The following VPS13B variants were observed in gnomAD, a reference collection of about 807,000 sequenced individuals.
VPS13B encodes the protein vacuolar protein sorting 13 homolog B, also known as intermembrane lipid transfer protein VPS13B.
In VPS13B, 285 loss-of-function variants were observed where a neutral mutation model predicts 426.4. That is an observed-to-expected ratio of 0.67 (90% CI 0.61 to 0.74). VPS13B has a LOEUF of 0.74. Ranked by LOEUF, VPS13B falls within the 30% of genes least tolerant of loss-of-function variation. VPS13B has a pLI of 0.00. For missense variants in VPS13B, 4,537 were observed against 4,782.6 expected (o/e 0.95, Z 1.51); for synonymous variants, 1,676 against 1,676.4 (o/e 1.00, Z 0.01).
chr8:99,701,161 C>G (rs1832264475), intron 36 of VPS13B, among the ~76,000 whole-genome samples: 1 of 152,118 alleles, frequency 6.6e-6, no homozygotes, highest in Admixed American at 6.5e-5. Context: ...ACTAAAAGTT[C>G]TGTATTTTGT....
chr8:99,640,049 G>GAGAAAAGAAAAGAAA (rs563436577), intron 33 of VPS13B, among the ~76,000 whole-genome samples: 39 of 99,712 alleles, frequency 3.9e-4, no homozygotes, highest in Non-Finnish European at 5.5e-4. Flanking sequence ...AGAAGAAGAA[G>GAGAAAAGAAAAGAAA]AGAAAAGAAA....
At chr8:99,015,955 T>G (rs1019801464) in intron 2 of VPS13B, among the ~76,000 whole-genome samples, 1 of 152,206 alleles carries the variant, frequency 6.6e-6, no homozygotes, top group African/African-American at 2.4e-5. Context: ...TAATCTGACT[T>G]CTGTCAACAT....
chr8:99,641,740 T>G (rs1829373434), intron 33 of VPS13B, 71 bp from the exon 34 acceptor site: 11 of 1,428,290 alleles, frequency 7.7e-6, no homozygotes, highest in Non-Finnish European at 1.0e-5. Flanking sequence ...GACAACATGT[T>G]TATATAACAT....
chr8:99,552,547 G>C (rs1303255800), intron 30 of VPS13B, among the ~76,000 whole-genome samples: 6 of 150,654 alleles, frequency 4.0e-5, no homozygotes, highest in Non-Finnish European at 7.4e-5. Context: ...TTTTTAGTTT[G>C]GGTTTTGTGG....
chr8:99,267,176 G>A (rs1254370969), intron 17 of VPS13B, among the ~76,000 whole-genome samples: 1 of 152,206 alleles, frequency 6.6e-6, no homozygotes, highest in Non-Finnish European at 1.5e-5. Context: ...TGCTGACAGT[G>A]ATATGGACAA....
Position 99,225,914 on chromosome 8 carries a change from A to G in VPS13B, c.2515+32857A>G, listed in dbSNP as rs558807001. Among the ~76,000 whole-genome samples, 5 of 152,096 alleles carry G rather than the reference A, an allele frequency of 3.3e-5. No homozygotes were observed. The East Asian group carries it at 9.7e-4, about 29-fold the overall frequency. ...CATTTCATGACCTTCTCTTAGACTC[A>G]TCATGGGAAACTTTCTTCTTCAAGC... On this transcript the variant is annotated intron_variant, in intron 17 of 61. Transcript: ENST00000357162.
intron 52 of VPS13B, 134 bp downstream of exon 52, chr8:99,832,786 A>G (rs927833405): frequency 9.1e-6 from 8 of 879,048 alleles, no homozygotes; most frequent in Non-Finnish European, 1.2e-5. Context: ...TTACTTCTAG[A>G]CATTGTATAC....
rs550220926 is a variant in VPS13B, at chr8:99,283,530, T to A, written c.2824+8276T>A. On this transcript the variant is annotated intron_variant, in intron 19 of 61. Transcript: ENST00000357162. The stretch of plus-strand genomic sequence containing the variant: ...CTGAACAGAGCGTCTATTTTTGTAA[T>A]TTTGGAGTTTAGGCTCTGTTATTGG... Among the ~76,000 whole-genome samples the A allele has an allele frequency of 2.6e-5, 4 of 152,268 alleles. No individual in the cohort carries two copies. The South Asian group carries it at 6.2e-4, about 24-fold the overall frequency.
At chr8:99,262,877 A>G (rs1818117933) in intron 17 of VPS13B, among the ~76,000 whole-genome samples, 1 of 151,894 alleles carries the variant, frequency 6.6e-6, no homozygotes, top group Admixed American at 6.6e-5. Context: ...GCCTCAAGCA[A>G]TCCTCCCACC....
At chr8:99,544,931 ACAGT>A (rs1823885184) in intron 30 of VPS13B, among the ~76,000 whole-genome samples, 1 of 152,200 alleles carries the variant, frequency 6.6e-6, no homozygotes, top group African/African-American at 2.4e-5. Context: ...AATTCATTTT[ACAGT>A]GGAGAAAACG....
chr8:99,494,726 T>C (rs1034134840), intron 25 of VPS13B, among the ~76,000 whole-genome samples: 3 of 152,118 alleles, frequency 2.0e-5, no homozygotes, highest in African/African-American at 4.8e-5. Context: ...TAGTAGTTTT[T>C]GAATAAATTT....
rs776456971 is a variant in VPS13B at position 99,038,429 on chromosome 8, A to T, written c.154A>T (p.Lys52Ter). The T allele has an allele frequency of 6.2e-7, 1 of 1,605,672 alleles. No individual in the cohort carries two copies. Among genetic ancestry groups the T allele is most frequent in the East Asian group, 2.2e-5 (1 of 44,518 alleles). ...LKLDVLEQELKLPFTFLSGHI... is the reference protein window; with the variant it reads ...LKLDVLEQEL ...TAATGTTTTGTGTTTTAAGGAACTG[A>T]AATTACCATTCACTTTTTTAAGTGG... The change falls in exon 3 of 62, where the codon AAA (lysine) becomes TAA (stop). Residue 52 changes from lysine to a stop codon, truncating the protein, a stop_gained. Coordinates refer to ENST00000357162, the MANE Select transcript of VPS13B (RefSeq NM_152564.5). LOFTEE classifies it high-confidence loss of function.
At chr8:99,726,813 C>T (rs1344920112) in intron 39 of VPS13B, among the ~76,000 whole-genome samples, 1 of 152,140 alleles carries the variant, frequency 6.6e-6, no homozygotes, top group Non-Finnish European at 1.5e-5. Context: ...GCCTTGGCCT[C>T]CCAAAGTGCT....
chr8:99,390,468 A>G (rs1234562131), intron 20 of VPS13B, among the ~76,000 whole-genome samples: 1 of 152,034 alleles, frequency 6.6e-6, no homozygotes, highest in Non-Finnish European at 1.5e-5. Context: ...GCCCTTTTCC[A>G]TGTTTCAGAA....
chr8:99,288,304 C>T (rs1469303864), intron 19 of VPS13B, among the ~76,000 whole-genome samples: 1 of 151,840 alleles, frequency 6.6e-6, no homozygotes, highest in Non-Finnish European at 1.5e-5. Context: ...GATTATGGGT[C>T]AACTCCCAGT....
chr8:99,674,755 G>T (rs1830857661), intron 35 of VPS13B, among the ~76,000 whole-genome samples: 1 of 151,644 alleles, frequency 6.6e-6, no homozygotes, highest in African/African-American at 2.4e-5. Flanking sequence ...TTATCATGAG[G>T]CATATCAAAA....
chr8:99,716,723 T>C (rs1832938068), intron 36 of VPS13B, among the ~76,000 whole-genome samples: 2 of 152,200 alleles, frequency 1.3e-5, no homozygotes, highest in South Asian at 2.1e-4. Context: ...TTTGATTGTT[T>C]TGAATTTTAA....
At chr8:99,216,812 T>TA (rs1815416420) in intron 17 of VPS13B, among the ~76,000 whole-genome samples, 1 of 152,088 alleles carries the variant, frequency 6.6e-6, no homozygotes. Context: ...ATTGAATAAG[T>TA]AAAAATGTTA....
intron 19 of VPS13B, among the ~76,000 whole-genome samples, chr8:99,331,717 G>T (rs551400010): frequency 6.6e-6 from 1 of 151,650 alleles, no homozygotes; most frequent in Non-Finnish European, 1.5e-5. Flanking sequence ...TGTTGGTTTG[G>T]TGTAGGTTAA....
Sources: gnomAD v4.1 joint callset for allele counts (sites outside exome capture counted in the v4.1 genomes callset) on GRCh38, gnomAD v4.1.1 for gene constraint, MANE v1.5 for transcripts, NCBI Gene and HGNC (gene_info 2026-07-23, HGNC 2026-07-21) for gene names.